Variants in TMTC4 observed in about 807,000 individuals in gnomAD.
TMTC4 encodes protein O-mannosyl-transferase TMTC4.
In TMTC4, 65 loss-of-function variants were observed where a neutral mutation model predicts 86.0. The ratio of observed to expected loss-of-function variants is 0.76; its 90% CI spans 0.62 to 0.93. The LOEUF is 0.93. Ranked by LOEUF, TMTC4 falls within the 40% of genes least tolerant of loss-of-function variation. The probability of loss-of-function intolerance (pLI) is 0.00; values close to 1 mark genes in which losing one functional copy is unlikely to be tolerated. For synonymous variants in TMTC4, 379 were observed against 382.5 expected (o/e 0.99, Z 0.11); for missense variants, 866 against 948.1 (o/e 0.91, Z 1.14).
At chr13:100,627,970 T>C (rs544605535) in intron 12 of TMTC4, among the ~76,000 whole-genome samples, 69 of 152,104 alleles carry the variant, frequency 4.5e-4, no homozygotes, top group African/African-American at 1.6e-3. Flanking sequence ...TGAAGAACAG[T>C]GAGGAAGCAA....
rs760473899 is a variant in TMTC4 at position 100,673,972 on chromosome 13, G to A, written c.-208+772C>T. The stretch of plus-strand genomic sequence containing the variant: ...AGCGAAGTGTGGGATGACTCATAGT[G>A]GCTAGATCGTTCCTCTAACTCCTCC... On this transcript the variant is annotated intron_variant, in intron 1 of 18. Coordinates refer to ENST00000342624, the MANE Select transcript of TMTC4 (RefSeq NM_032813.5). The A allele has an allele frequency of 1.3e-4, 126 of 949,804 alleles. No individual in the cohort carries two copies. The Middle Eastern group carries it at 1.6e-3, about 12-fold the overall frequency. 58.8% of individuals were successfully genotyped at this position (949,804 alleles called of 1,614,324 possible).
intron 1 of TMTC4, chr13:100,674,287 GCGGCCCGGCTGTGTCCAGCCATCGC>G (rs1213901456): frequency 1.0e-6 from 1 of 979,260 alleles, no homozygotes; most frequent in Non-Finnish European, 1.2e-6. Context: ...AGGCGGCCAA[GCGGCCCGGCTGTGTCCAGCCATCGC>G]CTGCGCCGCG....
rs768033673 is a variant in TMTC4, at chr13:100,670,391, G to A, written c.-29C>T. On this transcript the variant is annotated 5_prime_UTR_variant, in exon 2 of 19. Coordinates refer to ENST00000342624, the MANE Select transcript of TMTC4 (RefSeq NM_032813.5). ...ATGGTGATGCTGTCCCCTTCCAGGG[G>A]CCAGAAGGAGGCTCAGATTTACAAT... is the stretch of plus-strand genomic sequence containing the variant. 1.9e-6 allele frequency: 3 copies of A among 1,599,908 alleles called. No individual in the cohort carries two copies. Among genetic ancestry groups the A allele is most frequent in the East Asian group, 4.6e-5 (2 of 43,704 alleles).
At chr13:100,674,816 C>G, upstream of TMTC4, 2 of 979,088 alleles carry the variant, frequency 2.0e-6, no homozygotes, top group Non-Finnish European at 2.4e-6. Context: ...GGCACCCGCC[C>G]GGACCTGGCA....
intron 2 of TMTC4, chr13:100,670,153 C>T (rs1190364993): frequency 5.7e-6 from 3 of 527,776 alleles, no homozygotes; most frequent in Middle Eastern, 3.8e-4. Flanking sequence ...GGACCCTGTT[C>T]TTTTCCTGCT....
intron 12 of TMTC4, among the ~76,000 whole-genome samples, chr13:100,627,249 G>GC (rs1426807154): frequency 6.6e-6 from 1 of 152,242 alleles, no homozygotes; most frequent in Non-Finnish European, 1.5e-5. Flanking sequence ...GGAACCCTGA[G>GC]CAAGGGCAGG....
intron 6 of TMTC4, among the ~76,000 whole-genome samples, chr13:100,651,477 A>G (rs1407526281): frequency 2.3e-5 from 3 of 132,376 alleles, no homozygotes; most frequent in Non-Finnish European, 3.1e-5. Flanking sequence ...AGATCTTGCT[A>G]GATGTTCTAT....
intron 12 of TMTC4, among the ~76,000 whole-genome samples, chr13:100,634,113 T>C (rs1309039335): frequency 6.8e-6 from 1 of 147,482 alleles, no homozygotes; most frequent in Admixed American, 6.9e-5. Context: ...CACTCCAGCC[T>C]GGGTGACAAG....
chr13:100,637,702 T>A lies in TMTC4; in HGVS notation c.835A>T (p.Asn279Tyr). The part of the protein sequence containing the change: ...KVLHKDKSLE[N>Y]LGMLRNGGLL... ...CCCCCGTTCCTGAGCATGCCGAGAT[T>A]CTGCAAGGACATCGCAAAGCCCCAG... is the stretch of plus-strand genomic sequence containing the variant. The change falls in exon 9 of 19, where the codon AAT becomes TAT. Residue 279 changes from asparagine (N) to tyrosine (Y), a missense_variant and splice_region_variant. By Grantham distance (143) the Asn-to-Tyr change is moderately radical. Transcript: ENST00000342624. 1.9e-6 allele frequency: 3 copies of A among 1,613,628 alleles called. No homozygotes were observed. The South Asian group carries it at 3.3e-5, about 18-fold the overall frequency.
chr13:100,669,105 G>A (rs568252149), intron 2 of TMTC4, among the ~76,000 whole-genome samples: 3 of 152,008 alleles, frequency 2.0e-5, no homozygotes, highest in Non-Finnish European at 4.4e-5. Flanking sequence ...ATTTTTAATC[G>A]TCCTTGAACC....
rs1260181963 is a variant in TMTC4, at chr13:100,674,480, C to T, written c.-208+264G>A. On this transcript the variant is annotated intron_variant, in intron 1 of 18. Coordinates refer to ENST00000342624, the MANE Select transcript of TMTC4 (RefSeq NM_032813.5). ...TGCCCGGGCGGAGAAGCTCAGGGGC[C>T]CGAGCGCGGCGGGCGGGGCGCGCAG... The T allele has an allele frequency of 1.1e-5, 9 of 854,142 alleles. No individual in the cohort carries two copies. In the Admixed American group the frequency reaches 6.0e-4, roughly 57 times the overall value. The allele number at this position is 854,142 out of a possible 1,614,324, so 52.9% of individuals were successfully genotyped here.
chr13:100,650,081 G>A (rs1226655268), intron 6 of TMTC4, among the ~76,000 whole-genome samples: 1 of 148,914 alleles, frequency 6.7e-6, no homozygotes. Context: ...GGAGAGGATG[G>A]GAAAAAAAAA....
rs543892062 is a variant in TMTC4, at chr13:100,636,908, A to G, written c.1000-174T>C. The stretch of plus-strand genomic sequence containing the variant: ...ATGTGACTATAGTCTGTAAAAATGT[A>G]TTAAATGTATTCAGATTTTGGTATA... On this transcript the variant is annotated intron_variant, in intron 9 of 18. Transcript: ENST00000342624. Among the ~76,000 whole-genome samples, 8 of 152,344 alleles carry G rather than the reference A, an allele frequency of 5.3e-5. No individual in the cohort carries two copies. In the East Asian group the frequency reaches 1.5e-3, roughly 29 times the overall value.
At position 100,605,132 on chromosome 13, in the gene TMTC4, A is replaced by C; in HGVS notation, c.2145T>G (p.Tyr715Ter). 1.9e-6 allele frequency: 3 copies of C among 1,610,490 alleles called. No homozygotes were observed. The highest frequency in any genetic ancestry group is 1.7e-6 in the Non-Finnish European group (2 of 1,178,990). ...CCAAGTCTAGATGTCCCCAACGATGATAAAGCACAGCTGAAATAGCAGGAG... is the reference window on the plus strand; with the variant it reads ...CCAAGTCTAGATGTCCCCAACGATGCTAAAGCACAGCTGAAATAGCAGGAG... ...ASYHGNLAVL[Y>*]HRWGHLDLAK... Residue 715 changes from tyrosine to a stop codon, truncating the protein, a stop_gained, in exon 19 of 19, where the codon TAT (tyrosine) becomes TAG (stop). Transcript: ENST00000342624. LOFTEE classifies it high-confidence loss of function. The surrounding 1 kb of genome is among the most constrained non-coding windows in gnomAD (Gnocchi z 4.3).
intron 15 of TMTC4, 87 bp from the exon 16 acceptor site, chr13:100,614,517 G>T (rs972398904): frequency 2.1e-6 from 2 of 964,648 alleles, no homozygotes; most frequent in East Asian, 2.6e-5. Flanking sequence ...AAAAAAGAAA[G>T]AAAAAGCCCA....
chr13:100,673,729 C>T (rs1333017419), intron 1 of TMTC4, among the ~76,000 whole-genome samples: 1 of 152,204 alleles, frequency 6.6e-6, no homozygotes, highest in East Asian at 1.9e-4. Flanking sequence ...GTTTGATATT[C>T]ACAGTTCCAC....
chr13:100,671,007 T>C (rs919057670), intron 1 of TMTC4, among the ~76,000 whole-genome samples: 1 of 152,220 alleles, frequency 6.6e-6, no homozygotes, highest in Non-Finnish European at 1.5e-5. Context: ...GAAGATACTA[T>C]GATTTAACAT....
chr13:100,628,840 C>T (rs148750562), intron 12 of TMTC4, among the ~76,000 whole-genome samples: 17 of 152,238 alleles, frequency 1.1e-4, no homozygotes, highest in South Asian at 2.1e-4. Context: ...CACAAGCTCA[C>T]GAAGACTACA....
chr13:100,634,871 G>A lies in TMTC4; in HGVS notation c.1440C>T (p.Ser480=), dbSNP rs745381369. 6.8e-6 allele frequency: 11 copies of A among 1,614,156 alleles called. No homozygotes were observed. The South Asian group carries it at 1.1e-4, about 16-fold the overall frequency. The change falls in exon 12 of 19, where the codon AGC becomes AGT. Residue 480 remains serine, a synonymous_variant. Transcript: ENST00000342624. ...FINTLRCVLR[S]GEWRSEEQLF... is the part of the protein sequence containing the mutation. The stretch of plus-strand genomic sequence containing the variant: ...GCTGTTCCTCACTCCGCCACTCGCC[G>A]CTGCGCAGCACACATCTCAGCGTGT...
Sources: gnomAD v4.1 joint callset for allele counts (sites outside exome capture counted in the v4.1 genomes callset) on GRCh38, gnomAD v4.1.1 for gene constraint, Gnocchi (gnomAD v3.1) non-coding constraint, MANE v1.5 for transcripts, NCBI Gene and HGNC (gene_info 2026-07-23, HGNC 2026-07-21) for gene names.